Variants in PTPRD observed in about 807,000 individuals in gnomAD.
PTPRD encodes protein tyrosine phosphatase receptor type D.
PTPRD carries 34 observed loss-of-function variants against 214.5 expected under a neutral mutation model. The ratio of observed to expected loss-of-function variants is 0.16; its 90% CI spans 0.12 to 0.21. The LOEUF is 0.21. Among genes scored for constraint, PTPRD ranks in the 10% least tolerant of loss-of-function variants. The pLI is 1.00. For missense variants in PTPRD, 2,545 were observed against 2,398.7 expected, an observed-to-expected ratio of 1.06 and a Z score of -1.27; for synonymous variants, 1,128 against 845.7, an observed-to-expected ratio of 1.33 and a Z score of -5.79.
chr9:8,874,498 C>T (rs1029131049), intron 11 of PTPRD, among the ~76,000 whole-genome samples: 3 of 152,134 alleles, frequency 2.0e-5, no homozygotes, highest in Non-Finnish European at 4.4e-5. Flanking sequence ...CAATATTGTT[C>T]CTTCTCTTCA....
intron 10 of PTPRD, among the ~76,000 whole-genome samples, chr9:9,110,167 T>C (rs2154448572): frequency 6.6e-6 from 1 of 152,282 alleles, no homozygotes; most frequent in African/African-American, 2.4e-5. Flanking sequence ...GTAGTATGTA[T>C]ACTGCTACTA....
chr9:8,397,580 G>T (rs1018455228), intron 36 of PTPRD, among the ~76,000 whole-genome samples: 1 of 152,210 alleles, frequency 6.6e-6, no homozygotes, highest in East Asian at 1.9e-4. Context: ...TGGAGAATAC[G>T]TTAGCATGTG....
intron 7 of PTPRD, among the ~76,000 whole-genome samples, chr9:9,619,765 CTATA>C (rs888850859): frequency 4.2e-5 from 6 of 144,216 alleles, no homozygotes; most frequent in Non-Finnish European, 7.5e-5. Context: ...TATATATAAT[CTATA>C]TAAGTATATA....
At chr9:9,825,338 G>T (rs1053029769) in intron 5 of PTPRD, among the ~76,000 whole-genome samples, 1 of 150,666 alleles carries the variant, frequency 6.6e-6, no homozygotes, top group Non-Finnish European at 1.5e-5. Context: ...GAGAGAAAGA[G>T]ACAAAGAAAG....
chr9:9,211,355 G>A (rs1443241341), intron 9 of PTPRD, among the ~76,000 whole-genome samples: 1 of 152,098 alleles, frequency 6.6e-6, no homozygotes, highest in East Asian at 1.9e-4. Flanking sequence ...TAGGTCTTGT[G>A]TCCTAAGTTT....
chr9:10,518,642 G>C lies in PTPRD; in HGVS notation c.-600+93756C>G, dbSNP rs560585310. On this transcript the variant is annotated intron_variant, in intron 2 of 45. Transcript: ENST00000381196. ...CCGCCTCCCAGGTTCACGCCATTCTGCTGCCTCAGCCTCCCAAGTAGCTGG... is the reference window on the plus strand; with the variant it reads ...CCGCCTCCCAGGTTCACGCCATTCTCCTGCCTCAGCCTCCCAAGTAGCTGG... Among the ~76,000 whole-genome samples the C allele has an allele frequency of 7.1e-4, 107 of 151,152 alleles. 3 individuals are homozygous for C. The East Asian group carries it at 8.3e-3, about 12-fold the overall frequency.
At chr9:8,739,336 G>A (rs1479741030) in intron 11 of PTPRD, among the ~76,000 whole-genome samples, 1 of 152,212 alleles carries the variant, frequency 6.6e-6, no homozygotes, top group East Asian at 1.9e-4. Flanking sequence ...TTTTAACGTG[G>A]TATAAAACAA....
intron 11 of PTPRD, among the ~76,000 whole-genome samples, chr9:8,768,130 C>G (rs2094905276): frequency 6.6e-6 from 1 of 152,140 alleles, no homozygotes; most frequent in Non-Finnish European, 1.5e-5. Context: ...CGTGATAGCT[C>G]ACATCTATAA....
chr9:8,340,855 C>T (rs1000256132), intron 41 of PTPRD, among the ~76,000 whole-genome samples: 2 of 152,044 alleles, frequency 1.3e-5, no homozygotes, highest in Non-Finnish European at 2.9e-5. Context: ...TTATTAACTA[C>T]TTACATATCC....
intron 10 of PTPRD, among the ~76,000 whole-genome samples, chr9:9,176,825 A>G (rs2099925175): frequency 6.6e-6 from 1 of 152,144 alleles, no homozygotes. Flanking sequence ...CTCCAGAACC[A>G]TGAGTCAAAT....
chr9:9,146,949 T>C (rs537584168), intron 10 of PTPRD, among the ~76,000 whole-genome samples: 25 of 152,256 alleles, frequency 1.6e-4, no homozygotes, highest in African/African-American at 6.0e-4. Flanking sequence ...CCCAAAACAT[T>C]TGACTTGACT....
chr9:10,190,655 G>C (rs2099359775), intron 3 of PTPRD, among the ~76,000 whole-genome samples: 2 of 129,066 alleles, frequency 1.5e-5, no homozygotes, highest in South Asian at 5.3e-4. Context: ...AAGGCAGAAA[G>C]TACAGTAAGC....
At chr9:8,631,452 C>T (rs2096248866) in intron 14 of PTPRD, among the ~76,000 whole-genome samples, 2 of 151,642 alleles carry the variant, frequency 1.3e-5, no homozygotes, top group African/African-American at 4.8e-5. Flanking sequence ...TTCATTAGCC[C>T]ATCTGGGTAT....
intron 3 of PTPRD, among the ~76,000 whole-genome samples, chr9:10,220,622 AT>A (rs1329391856): frequency 1.3e-5 from 2 of 151,958 alleles, no homozygotes; most frequent in Non-Finnish European, 2.9e-5. Flanking sequence ...AAAATAATAC[AT>A]CTTGCACCTG....
chr9:8,795,602 C>T (rs1030056206), intron 11 of PTPRD, among the ~76,000 whole-genome samples: 4 of 151,238 alleles, frequency 2.6e-5, no homozygotes, highest in South Asian at 2.1e-4. Context: ...GTTGTGGAGA[C>T]GGAGTAACAG....
chr9:9,845,938 T>C (rs1439723888), intron 5 of PTPRD, among the ~76,000 whole-genome samples: 1 of 151,994 alleles, frequency 6.6e-6, no homozygotes, highest in Non-Finnish European at 1.5e-5. Flanking sequence ...GCAGAGTAAC[T>C]CAAAGAAAAA....
chr9:9,420,579 ATAGT>A (rs1396472934), intron 8 of PTPRD, among the ~76,000 whole-genome samples: 1 of 151,980 alleles, frequency 6.6e-6, no homozygotes, highest in Non-Finnish European at 1.5e-5. Flanking sequence ...AACAGTTCAG[ATAGT>A]TATACAAATA....
At chr9:9,381,785 G>A (rs1423701051) in intron 9 of PTPRD, among the ~76,000 whole-genome samples, 1 of 150,254 alleles carries the variant, frequency 6.7e-6, no homozygotes, top group Non-Finnish European at 1.5e-5. Context: ...GCTTTGTTAT[G>A]TATTTTGAAA....
intron 5 of PTPRD, among the ~76,000 whole-genome samples, chr9:9,789,498 G>T (rs2098950993): frequency 6.6e-6 from 1 of 152,074 alleles, no homozygotes; most frequent in South Asian, 2.1e-4. Flanking sequence ...TTCCCTAGGT[G>T]ATTAAAACTT....
Sources: gnomAD v4.1 joint callset for allele counts (sites outside exome capture counted in the v4.1 genomes callset) on GRCh38, gnomAD v4.1.1 for gene constraint, MANE v1.5 for transcripts, NCBI Gene and HGNC (gene_info 2026-07-23, HGNC 2026-07-21) for gene names.